The following SCG5 variants were observed in gnomAD, a reference collection of about 807,000 sequenced individuals.
SCG5 encodes neuroendocrine protein 7B2.
SCG5 carries 18 observed loss-of-function variants against 25.7 expected under a neutral mutation model. That is an observed-to-expected ratio of 0.70 (90% CI 0.48 to 1.04). SCG5 has a LOEUF of 1.04. SCG5 is among the 50% of genes least tolerant of loss of function. SCG5 has a pLI of 0.00. For synonymous variants in SCG5, 101 were observed against 91.7 expected (o/e 1.10, Z -0.58); for missense variants, 206 against 259.8 (o/e 0.79, Z 1.42).
At chr15:32,692,061 G>A in intron 5 of SCG5, 1 of 1,237,798 alleles carries the variant, frequency 8.1e-7, no homozygotes, top group African/African-American at 1.5e-5. Flanking sequence ...GGACATATCT[G>A]GGGGGACATG....
intron 2 of SCG5, among the ~76,000 whole-genome samples, chr15:32,647,264 T>C (rs1462001540): frequency 6.6e-6 from 1 of 152,192 alleles, no homozygotes; most frequent in Non-Finnish European, 1.5e-5. Flanking sequence ...ATCATCATCA[T>C]CACTTTAGAT....
chr15:32,646,449 G>A (rs1355868677), intron 2 of SCG5, among the ~76,000 whole-genome samples: 7 of 152,150 alleles, frequency 4.6e-5, no homozygotes, highest in African/African-American at 1.2e-4. Flanking sequence ...CTTAGAGGCC[G>A]CCTCAGGTTG....
chr15:32,692,265 T>G, intron 5 of SCG5: 1 of 987,790 alleles, frequency 1.0e-6, no homozygotes, highest in Non-Finnish European at 1.2e-6. Context: ...CTTTTTTTCT[T>G]GGCCTAGCCA....
chr15:32,691,866 C>G (rs777552412), intron 5 of SCG5, 103 bp downstream of exon 5: 13 of 1,546,334 alleles, frequency 8.4e-6, no homozygotes, highest in Non-Finnish European at 1.1e-5. Flanking sequence ...ACAGAATCCT[C>G]CCTTGTGTAG....
chr15:32,654,448 T>C (rs919052279), intron 2 of SCG5, among the ~76,000 whole-genome samples: 2 of 152,184 alleles, frequency 1.3e-5, no homozygotes, highest in Non-Finnish European at 2.9e-5. Context: ...CCAGCTAGTA[T>C]TTGTGGGATC....
At chr15:32,672,792 C>T (rs538761983) in intron 2 of SCG5, among the ~76,000 whole-genome samples, 3 of 152,096 alleles carry the variant, frequency 2.0e-5, no homozygotes, top group Admixed American at 6.5e-5. Context: ...GGCAAGAAAC[C>T]TTTCCCCAGG....
chr15:32,670,968 A>G (rs1595806274), intron 2 of SCG5, among the ~76,000 whole-genome samples: 2 of 152,374 alleles, frequency 1.3e-5, no homozygotes, highest in East Asian at 3.9e-4. Context: ...TTGACTAGAT[A>G]GGAAAAGCAG....
At position 32,646,975 on chromosome 15, in the gene SCG5, A is replaced by G. The variant is rs565181311; in HGVS notation, c.226+3157A>G. Among the ~76,000 whole-genome samples, 4 of 152,362 alleles carry G rather than the reference A, an allele frequency of 2.6e-5. No individual in the cohort carries two copies. In the South Asian group the frequency reaches 8.3e-4, roughly 32 times the overall value. On this transcript the variant is annotated intron_variant, in intron 2 of 5. Transcript: ENST00000300175. ...TATACATAATATATTATCATATTTT[A>G]TAGTAATACTGTATTCTGGTGTGAA...
chr15:32,651,493 G>C (rs1023841472), intron 2 of SCG5, among the ~76,000 whole-genome samples: 1 of 152,210 alleles, frequency 6.6e-6, no homozygotes, highest in Non-Finnish European at 1.5e-5. Flanking sequence ...GGGACACTCC[G>C]TTTCTGGCTA....
intron 4 of SCG5, among the ~76,000 whole-genome samples, chr15:32,687,474 T>C (rs1364531985): frequency 6.6e-6 from 1 of 152,250 alleles, no homozygotes; most frequent in Non-Finnish European, 1.5e-5. Context: ...CATTACTACC[T>C]ACCAGTAAAA....
chr15:32,649,357 A>T (rs970101800), intron 2 of SCG5, among the ~76,000 whole-genome samples: 5 of 152,192 alleles, frequency 3.3e-5, no homozygotes, highest in African/African-American at 1.2e-4. Flanking sequence ...TGTTTTTAAA[A>T]ATCTCTGCCT....
At chr15:32,691,094 A>C (rs2054846905) in intron 4 of SCG5, among the ~76,000 whole-genome samples, 1 of 152,226 alleles carries the variant, frequency 6.6e-6, no homozygotes, top group Non-Finnish European at 1.5e-5. Flanking sequence ...ACACTTACAC[A>C]AACTGTGGTA....
At chr15:32,644,557 G>T (rs769715409) in intron 2 of SCG5, among the ~76,000 whole-genome samples, 45 of 152,290 alleles carry the variant, frequency 3.0e-4, no homozygotes, top group Admixed American at 1.1e-3. Flanking sequence ...GTTGTTTAAT[G>T]ATTTGTTTAT....
At chr15:32,642,286 G>C (rs1026509666) in intron 1 of SCG5, among the ~76,000 whole-genome samples, 3 of 151,944 alleles carry the variant, frequency 2.0e-5, no homozygotes, top group African/African-American at 2.4e-5. Context: ...GGTTTGCGCC[G>C]GTCCTGGTGG....
At chr15:32,642,789 A>C (rs1431660910) in intron 1 of SCG5, among the ~76,000 whole-genome samples, 1 of 152,028 alleles carries the variant, frequency 6.6e-6, no homozygotes, top group Non-Finnish European at 1.5e-5. Flanking sequence ...TAACCTCCAG[A>C]ACTGTTAAGG....
chr15:32,691,784 T>G lies in SCG5; in HGVS notation c.543+21T>G, dbSNP rs563333251. On this transcript the variant is annotated intron_variant, in intron 5 of 5. Transcript: ENST00000300175. The stretch of plus-strand genomic sequence containing the variant: ...GGAGGGTAACACGTGCCTGGCTGGA[T>G]TGTTGCGGGGATGCTTGGAGCTTTC... 236 of 1,611,160 alleles carry G rather than the reference T, an allele frequency of 1.5e-4. 2 individuals are homozygous for G. In the South Asian group the frequency reaches 2.4e-3, roughly 17 times the overall value.
chr15:32,691,254 A>G (rs2054850052), intron 4 of SCG5, among the ~76,000 whole-genome samples: 1 of 152,242 alleles, frequency 6.6e-6, no homozygotes, highest in African/African-American at 2.4e-5. Context: ...CGCCACAGAC[A>G]AAATGGTTGC....
At chr15:32,665,716 G>A (rs1193031032) in intron 2 of SCG5, 3 of 152,156 alleles carry the variant, frequency 2.0e-5, no homozygotes, top group East Asian at 1.9e-4. Context: ...GTTAAAGCAC[G>A]AGAAGCATGA....
intron 2 of SCG5, among the ~76,000 whole-genome samples, chr15:32,674,411 A>T (rs921900820): frequency 2.0e-5 from 3 of 152,220 alleles, no homozygotes; most frequent in African/African-American, 7.2e-5. Flanking sequence ...ACAATGAAAA[A>T]AACCCTACCA....
Sources: allele counts gnomAD v4.1 joint callset (sites outside exome capture counted in the v4.1 genomes callset), GRCh38; gene constraint gnomAD v4.1.1; transcripts MANE v1.5; gene names NCBI Gene and HGNC (gene_info 2026-07-23, HGNC 2026-07-21).